KCNQ5: variants seen among roughly 807,000 people sequenced by gnomAD.
KCNQ5 encodes potassium voltage-gated channel subfamily Q member 5, also known as potassium voltage-gated channel subfamily KQT member 5.
KCNQ5 carries 30 observed loss-of-function variants against 98.2 expected under a neutral mutation model. That is an observed-to-expected ratio of 0.31 (90% CI 0.23 to 0.41). KCNQ5 has a LOEUF of 0.41. KCNQ5 is among the 10% of genes least tolerant of loss of function. KCNQ5 has a pLI of 1.00. For missense variants in KCNQ5, 835 were observed against 1,182.5 expected (o/e 0.71, Z 4.31); for synonymous variants, 458 against 449.4 (o/e 1.02, Z -0.24).
chr6:72,623,247 C>T (rs534350608), intron 1 of KCNQ5, among the ~76,000 whole-genome samples: 5 of 152,272 alleles, frequency 3.3e-5, no homozygotes, highest in South Asian at 2.1e-4. Flanking sequence ...AAGCAACGCT[C>T]CCGCGCTGCA....
At chr6:72,968,177 C>A (rs1767709938) in intron 1 of KCNQ5, among the ~76,000 whole-genome samples, 1 of 152,068 alleles carries the variant, frequency 6.6e-6, no homozygotes. Context: ...AGTTCTGCAA[C>A]AAAGAAATAC....
chr6:73,162,897 G>A (rs754617122), intron 10 of KCNQ5, among the ~76,000 whole-genome samples: 1 of 152,044 alleles, frequency 6.6e-6, no homozygotes, highest in Non-Finnish European at 1.5e-5. Context: ...GTTCATTGAC[G>A]TGTCTAAATG....
intron 1 of KCNQ5, among the ~76,000 whole-genome samples, chr6:72,818,359 T>G (rs1775596072): frequency 6.6e-6 from 1 of 152,140 alleles, no homozygotes; most frequent in South Asian, 2.1e-4. Context: ...GTGTGTATTG[T>G]TAAGAAATTG....
At position 72,998,227 on chromosome 6, in the gene KCNQ5, C is replaced by T. The variant is rs143232895; in HGVS notation, c.399-5681C>T. The stretch of plus-strand genomic sequence containing the variant: ...ATAGTCTCTAATGTCAGCAGGCATA[C>T]TCCAGTCATCATAATTCATGAAATG... On this transcript the variant is annotated intron_variant, in intron 1 of 13. Transcript: ENST00000370398. 1.6e-3 allele frequency among the ~76,000 whole-genome samples: 239 copies of T among 152,280 alleles called. 2 individuals carry two copies. The highest frequency in any genetic ancestry group is 0.013 in the South Asian group (65 of 4,822).
chr6:73,081,064 A>G (rs1239449972), intron 5 of KCNQ5, among the ~76,000 whole-genome samples: 1 of 152,254 alleles, frequency 6.6e-6, no homozygotes, highest in Non-Finnish European at 1.5e-5. Flanking sequence ...GTTGGTGTAG[A>G]CATCATTGCT....
intron 2 of KCNQ5, among the ~76,000 whole-genome samples, chr6:73,023,114 C>G (rs1372468985): frequency 6.6e-6 from 1 of 152,108 alleles, no homozygotes; most frequent in Non-Finnish European, 1.5e-5. Flanking sequence ...CCAGAAGCTA[C>G]ATGAGCATCA....
intron 1 of KCNQ5, among the ~76,000 whole-genome samples, chr6:72,778,622 A>T (rs1228549359): frequency 6.6e-6 from 1 of 152,184 alleles, no homozygotes; most frequent in Non-Finnish European, 1.5e-5. Context: ...AAAAAAAGGT[A>T]ACTATGTGAG....
chr6:72,811,004 C>T (rs1775214871), intron 1 of KCNQ5, among the ~76,000 whole-genome samples: 1 of 152,158 alleles, frequency 6.6e-6, no homozygotes, highest in Non-Finnish European at 1.5e-5. Flanking sequence ...AGGTTGATTT[C>T]CATGTGTTTA....
At chr6:72,963,642 T>C (rs555479228) in intron 1 of KCNQ5, among the ~76,000 whole-genome samples, 1 of 151,950 alleles carries the variant, frequency 6.6e-6, no homozygotes, top group Admixed American at 6.5e-5. Context: ...TAGCTATTAA[T>C]CACAGCTTTT....
chr6:72,648,713 T>G (rs922605062), intron 1 of KCNQ5, among the ~76,000 whole-genome samples: 3 of 151,878 alleles, frequency 2.0e-5, no homozygotes, highest in Non-Finnish European at 4.4e-5. Context: ...AATATTTAAA[T>G]TTTTTTAAAA....
chr6:72,813,250 A>C (rs1211991018), intron 1 of KCNQ5, among the ~76,000 whole-genome samples: 1 of 152,154 alleles, frequency 6.6e-6, no homozygotes, highest in Non-Finnish European at 1.5e-5. Context: ...TCAGGGGCTT[A>C]TTTCCAGAAT....
intron 1 of KCNQ5, among the ~76,000 whole-genome samples, chr6:72,793,419 G>T (rs951520302): frequency 6.6e-6 from 1 of 152,086 alleles, no homozygotes; most frequent in Non-Finnish European, 1.5e-5. Context: ...TTGCAGTTGC[G>T]AGGATTCTGC....
intron 1 of KCNQ5, among the ~76,000 whole-genome samples, chr6:72,816,970 A>G (rs1775531654): frequency 6.6e-6 from 1 of 152,196 alleles, no homozygotes; most frequent in Non-Finnish European, 1.5e-5. Flanking sequence ...GTCAGGTACA[A>G]CTATTTCACT....
chr6:72,948,876 G>A (rs1766668436), intron 1 of KCNQ5, among the ~76,000 whole-genome samples: 1 of 152,070 alleles, frequency 6.6e-6, no homozygotes, highest in African/African-American at 2.4e-5. Context: ...GCATATTTGT[G>A]GATCAAAGGA....
At position 73,114,074 on chromosome 6, in the gene KCNQ5, C is replaced by T. The variant is rs960127268; in HGVS notation, c.1125+2671C>T. Among the ~76,000 whole-genome samples the T allele has an allele frequency of 5.9e-5, 9 of 152,002 alleles. No homozygotes were observed. The South Asian group carries it at 8.3e-4, about 14-fold the overall frequency. ...AAGCAAGTGCTCCTTCATTTAAATG[C>T]AATTAATTTATTACACATAGAAATA... is the stretch of plus-strand genomic sequence containing the variant. On this transcript the variant is annotated intron_variant, in intron 7 of 13. Transcript: ENST00000370398.
rs990883905 is a variant in KCNQ5 at position 72,926,163 on chromosome 6, G to T, written c.399-77745G>T. ...CTTGCTTACCCCTTTGCCTTCAGGG[G>T]TCCACCCTCATTCATCCCAGGAACT... On this transcript the variant is annotated intron_variant, in intron 1 of 13. Coordinates refer to ENST00000370398, the MANE Select transcript of KCNQ5 (RefSeq NM_019842.4). Among the ~76,000 whole-genome samples the T allele has an allele frequency of 5.9e-5, 9 of 152,148 alleles. No individual in the cohort carries two copies. In the East Asian group the frequency reaches 1.5e-3, roughly 26 times the overall value.
intron 5 of KCNQ5, among the ~76,000 whole-genome samples, chr6:73,087,255 G>C (rs1774025360): frequency 6.6e-6 from 1 of 152,138 alleles, no homozygotes; most frequent in Non-Finnish European, 1.5e-5. Context: ...GGGTGAATTT[G>C]CAAAAACCTA....
intron 1 of KCNQ5, among the ~76,000 whole-genome samples, chr6:72,783,136 G>A (rs2154477941): frequency 6.6e-6 from 1 of 152,272 alleles, no homozygotes; most frequent in East Asian, 1.9e-4. Context: ...GTTATGAGTG[G>A]GAGAGGATGA....
chr6:72,859,742 G>C (rs2840798), intron 1 of KCNQ5, among the ~76,000 whole-genome samples: 150,742 of 152,122 alleles, frequency 0.99, 74,702 homozygotes, highest in East Asian at 1. Context: ...CCACCACTCC[G>C]GGATAATTTT....
Sources: gnomAD v4.1 joint callset for allele counts (sites outside exome capture counted in the v4.1 genomes callset) on GRCh38, gnomAD v4.1.1 for gene constraint, MANE v1.5 for transcripts, NCBI Gene and HGNC (gene_info 2026-07-23, HGNC 2026-07-21) for gene names.